ITM2A: variants seen among roughly 807,000 people sequenced by gnomAD.
ITM2A encodes BRICHOS domain containing 2A.
A neutral mutation model predicts 16.6 loss-of-function variants in ITM2A; 11 were observed. The observed-to-expected ratio is 0.66, with a 90% CI of 0.42 to 1.10. The LOEUF (loss-of-function observed/expected upper bound fraction) is 1.10. Ranked by LOEUF, ITM2A falls within the 50% of genes least tolerant of loss-of-function variation. ITM2A has a pLI of 0.00. For synonymous variants in ITM2A, 102 were observed against 71.2 expected (o/e 1.43, Z -2.18); for missense variants, 243 against 206.8 (o/e 1.17, Z -1.07).
chrX:79,361,417 A>G lies in ITM2A; in HGVS notation c.615T>C (p.Ile205=). 2 of 1,206,672 alleles carry G rather than the reference A, an allele frequency of 1.7e-6. No homozygotes were observed. The highest frequency in any genetic ancestry group is 2.2e-6 in the Non-Finnish European group (2 of 890,822). ...AGATGCCAAGGTTACTAACATCACG[A>G]ATTTCCTCCACAGCAACTAGGTCTT... ...VREDLVAVEE[I]RDVSNLGIFI... Residue 205 remains isoleucine (I), a synonymous_variant, in exon 5 of 6, where the codon ATT becomes ATC. Transcript: ENST00000373298.
Position 79,367,083 on chromosome X carries a change from CAT to C in ITM2A, c.111+20_111+21del. ...TTCTTTCTTTCGCCCACCCCTCCCC[CAT>C]CCCGCCCTGGGACAGCTACCTTGCC... On this transcript the variant is annotated intron_variant, in intron 1 of 5. Coordinates refer to ENST00000373298, the MANE Select transcript of ITM2A (RefSeq NM_004867.5). 1 of 1,084,141 alleles carries C rather than the reference CAT, an allele frequency of 9.2e-7. No individual in the cohort carries two copies. The highest frequency in any genetic ancestry group is 1.3e-6 in the Non-Finnish European group (1 of 792,111). 89.3% of individuals were successfully genotyped at this position (1,084,141 alleles called of 1,213,427 possible).
chrX:79,362,852 C>A (rs943629855), intron 3 of ITM2A, 90 bp downstream of exon 3: 2 of 751,034 alleles, frequency 2.7e-6, no homozygotes, highest in Non-Finnish European at 4.0e-6. Flanking sequence ...CATGTGCATT[C>A]ATGAATGAAT....
chrX:79,362,358 C>G (rs923157248), intron 4 of ITM2A, among the ~76,000 whole-genome samples: 1 of 111,248 alleles, frequency 9.0e-6, no homozygotes, highest in Non-Finnish European at 1.9e-5. Context: ...TGTCATTTGC[C>G]CAAATTCTTA....
rs1340528538 is a variant in ITM2A at position 79,362,744 on chromosome X, G to C, written c.442-53C>G. The C allele has an allele frequency of 3.4e-6, 3 of 885,691 alleles. No homozygotes were observed. The South Asian group carries it at 6.6e-5, about 20-fold the overall frequency. 73.0% of individuals were successfully genotyped at this position (885,691 alleles called of 1,213,427 possible). On this transcript the variant is annotated intron_variant, in intron 3 of 5. Coordinates refer to ENST00000373298, the MANE Select transcript of ITM2A (RefSeq NM_004867.5). ...AAGACACAGAAGGCATTAACATTGCGAATTTTCCAACTACCATTAGATTAA... is the reference window on the plus strand; with the variant it reads ...AAGACACAGAAGGCATTAACATTGCCAATTTTCCAACTACCATTAGATTAA...
chrX:79,362,352 AT>A (rs1925447301), intron 4 of ITM2A, among the ~76,000 whole-genome samples: 1 of 111,361 alleles, frequency 9.0e-6, no homozygotes, highest in Non-Finnish European at 1.9e-5. Flanking sequence ...TGTTCATGTC[AT>A]TTGCCCAAAT....
In ITM2A at chrX:79,360,853, T is replaced by G. The variant is rs1751094; in HGVS notation, c.*236A>C. The G allele has an allele frequency of 0.13, 30,456 of 233,408 alleles. 4,495 individuals are homozygous for G. The highest frequency in any genetic ancestry group is 0.48 in the African/African-American group (16,381 of 34,290). The allele number at this position is 233,408 out of a possible 1,213,427, so 19.2% of individuals were successfully genotyped here. The stretch of plus-strand genomic sequence containing the variant: ...TTTCAGAAATCTAAACCCTATAAAT[T>G]CAAAGAAAAAATGAAACTCATGTAA... On this transcript the variant is annotated 3_prime_UTR_variant, in exon 6 of 6. Coordinates refer to ENST00000373298, the MANE Select transcript of ITM2A (RefSeq NM_004867.5).
intron 4 of ITM2A, among the ~76,000 whole-genome samples, chrX:79,362,259 A>T (rs767148580): frequency 3.0e-4 from 33 of 110,598 alleles, no homozygotes; most frequent in Admixed American, 5.8e-4. Flanking sequence ...TGTGATTTTG[A>T]TTTGCATTTA....
At chrX:79,362,772 G>A (rs1449523902) in intron 3 of ITM2A, 81 bp from the exon 4 acceptor site, 7 of 741,245 alleles carry the variant, frequency 9.4e-6, no homozygotes, top group Non-Finnish European at 1.4e-5. Context: ...TAGATTAAGC[G>A]GCTACATCCT....
In ITM2A at chrX:79,362,636, T is replaced by C; in HGVS notation, c.497A>G (p.Asn166Ser). The change falls in exon 4 of 6, where the codon AAT (asparagine) becomes AGT (serine). Residue 166 changes from asparagine to serine, a missense_variant. Asn to Ser is a conservative substitution (Grantham distance 46, BLOSUM62 1). Transcript: ENST00000373298. ...LLGNCYLMPL[N>S]TSIVMPPKNL... ...TTTTGGAGGCATAACAATAGAAGTA[T>C]TGAGGGGCATCAGATAGCAGTTCCC... 1 of 1,207,309 alleles carries C rather than the reference T, an allele frequency of 8.3e-7. No homozygotes were observed. The highest frequency in any genetic ancestry group is 3.0e-5 in the East Asian group (1 of 33,773).
chrX:79,366,655 T>C (rs887080203), intron 1 of ITM2A, among the ~76,000 whole-genome samples: 4 of 111,375 alleles, frequency 3.6e-5, no homozygotes, highest in African/African-American at 1.3e-4. Flanking sequence ...TAGAACTTCA[T>C]CCACACCAAA....
At chrX:79,365,625 AC>A (rs1430587628) in intron 1 of ITM2A, among the ~76,000 whole-genome samples, 1 of 106,800 alleles carries the variant, frequency 9.4e-6, no homozygotes, top group Non-Finnish European at 1.9e-5. Context: ...TTGCATATTA[AC>A]TGAATCTATC....
intron 5 of ITM2A, 60 bp downstream of exon 5, chrX:79,361,269 A>G (rs1431586197): frequency 8.8e-7 from 1 of 1,131,771 alleles, no homozygotes; most frequent in African/African-American, 1.8e-5. Flanking sequence ...CCTGTATTCT[A>G]CCTCCACTTT....
Position 79,367,320 on chromosome X carries a change from C to G in ITM2A, c.-105G>C. On this transcript the variant is annotated 5_prime_UTR_variant, in exon 1 of 6. Coordinates refer to ENST00000373298, the MANE Select transcript of ITM2A (RefSeq NM_004867.5). ...GCCCAAACAGCACTTACTTTATCTTCAGTCTAACACTACTGCAAGCCGAGG... is the reference window on the plus strand; with the variant it reads ...GCCCAAACAGCACTTACTTTATCTTGAGTCTAACACTACTGCAAGCCGAGG... The G allele has an allele frequency of 2.1e-6, 1 of 477,148 alleles. No homozygotes were observed. The allele number at this position is 477,148 out of a possible 1,213,427, so 39.3% of individuals were successfully genotyped here.
intron 1 of ITM2A, among the ~76,000 whole-genome samples, chrX:79,366,368 G>T (rs1339678426): frequency 9.0e-6 from 1 of 111,368 alleles, no homozygotes; most frequent in Non-Finnish European, 1.9e-5. Flanking sequence ...TTTTACAAGA[G>T]AAGAGTGTTT....
intron 5 of ITM2A, 42 bp from the exon 6 acceptor site, chrX:79,361,219 G>C (rs900798983): frequency 8.8e-7 from 1 of 1,138,697 alleles, no homozygotes; most frequent in Non-Finnish European, 1.2e-6. Context: ...TGAAATTTTT[G>C]TGGAAATGAA....
intron 1 of ITM2A, 122 bp from the exon 2 acceptor site, chrX:79,363,676 TA>T (rs1925498089): frequency 2.6e-6 from 1 of 386,426 alleles, no homozygotes; most frequent in Non-Finnish European, 4.2e-6. Context: ...TAACTCATTT[TA>T]ATTGTAGTCT....
In ITM2A at chrX:79,360,869, ACT is replaced by A. The variant is rs1925391019; in HGVS notation, c.*218_*219del. 1 of 253,235 alleles carries A rather than the reference ACT, an allele frequency of 3.9e-6. No individual in the cohort carries two copies. Among genetic ancestry groups the A allele is most frequent in the Non-Finnish European group, 7.0e-6 (1 of 143,476 alleles). The allele number at this position is 253,235 out of a possible 1,213,427, so 20.9% of individuals were successfully genotyped here. ...CCTATAAATTCAAAGAAAAAATGAAACTCATGTAATTTCAGTTTCAAAAAACA... is the reference window on the plus strand; with the variant it reads ...CCTATAAATTCAAAGAAAAAATGAAACATGTAATTTCAGTTTCAAAAAACA... On this transcript the variant is annotated 3_prime_UTR_variant, in exon 6 of 6. Coordinates refer to ENST00000373298, the MANE Select transcript of ITM2A (RefSeq NM_004867.5).
At position 79,360,872 on chromosome X, in the gene ITM2A, C is replaced by A; in HGVS notation, c.*217G>T. 1 of 254,382 alleles carries A rather than the reference C, an allele frequency of 3.9e-6. No homozygotes were observed. Among genetic ancestry groups the A allele is most frequent in the Non-Finnish European group, 6.9e-6 (1 of 144,592 alleles). The allele number at this position is 254,382 out of a possible 1,213,427, so 21.0% of individuals were successfully genotyped here. On this transcript the variant is annotated 3_prime_UTR_variant, in exon 6 of 6. Transcript: ENST00000373298. ...ATAAATTCAAAGAAAAAATGAAACTCATGTAATTTCAGTTTCAAAAAACAA... is the reference window on the plus strand; with the variant it reads ...ATAAATTCAAAGAAAAAATGAAACTAATGTAATTTCAGTTTCAAAAAACAA...
At chrX:79,361,203 G>A in intron 5 of ITM2A, 26 bp from the exon 6 acceptor site, 1 of 1,152,381 alleles carries the variant, frequency 8.7e-7, no homozygotes, top group Non-Finnish European at 1.2e-6. Flanking sequence ...CAAAAAAAGT[G>A]GCTTTTGAAA....
Sources: allele counts gnomAD v4.1 joint callset (sites outside exome capture counted in the v4.1 genomes callset), GRCh38; gene constraint gnomAD v4.1.1; transcripts MANE v1.5; gene names NCBI Gene and HGNC (gene_info 2026-07-23, HGNC 2026-07-21).